TEAD1: variants seen among roughly 807,000 people sequenced by gnomAD.
The protein encoded by TEAD1 is transcriptional enhancer factor TEF-1.
Under a neutral mutation model 54.9 loss-of-function variants are expected in TEAD1, and 9 were observed. The ratio of observed to expected loss-of-function variants is 0.16; its 90% CI spans 0.10 to 0.29. The LOEUF (loss-of-function observed/expected upper bound fraction) is 0.29, where lower values mean the gene tolerates loss of function less well. Ranked by LOEUF, TEAD1 falls within the 10% of genes least tolerant of loss-of-function variation. The pLI is 1.00. For missense variants in TEAD1, 387 were observed against 535.9 expected (o/e 0.72, Z 2.74); for synonymous variants, 200 against 187.8 (o/e 1.07, Z -0.53).
chr11:12,703,471 C>T (rs1294333243), intron 2 of TEAD1, among the ~76,000 whole-genome samples: 1 of 152,154 alleles, frequency 6.6e-6, no homozygotes, highest in East Asian at 1.9e-4. Context: ...CTGCCCAAGC[C>T]TCCCTATATT....
intron 9 of TEAD1, among the ~76,000 whole-genome samples, chr11:12,901,320 A>G (rs1308967278): frequency 6.6e-6 from 1 of 152,144 alleles, no homozygotes; most frequent in East Asian, 1.9e-4. Flanking sequence ...TCAGCCATGT[A>G]TGGCCTTGTA....
rs190969387 is a variant in TEAD1, at chr11:12,705,936, A to G, written c.-55+30375A>G. 4.0e-4 allele frequency among the ~76,000 whole-genome samples: 61 copies of G among 152,294 alleles called. No homozygotes were observed. The East Asian group carries it at 5.2e-3, about 13-fold the overall frequency. ...AAACTCCATTGTTCTAAACCTTTCA[A>G]ATATAGTGTGATTACCCTCGTTTGT... is the stretch of plus-strand genomic sequence containing the variant. On this transcript the variant is annotated intron_variant, in intron 2 of 12. Coordinates refer to ENST00000527636, the MANE Select transcript of TEAD1 (RefSeq NM_021961.6).
chr11:12,767,550 G>A (rs938944806), intron 3 of TEAD1, among the ~76,000 whole-genome samples: 8 of 152,106 alleles, frequency 5.3e-5, no homozygotes, highest in Admixed American at 1.3e-4. Flanking sequence ...AATTTTGTTC[G>A]TGGTTGGCAG....
Position 12,890,134 on chromosome 11 carries a change from A to G in TEAD1, c.699+7009A>G, listed in dbSNP as rs141850757. On this transcript the variant is annotated intron_variant, in intron 9 of 12. Transcript: ENST00000527636. Reference sequence around the variant, plus strand: ...TGTACATAAAGGAACCGTGGCTCAGAAACGTTAAATAAAGTTATCAAGCTC... The same window carrying G: ...TGTACATAAAGGAACCGTGGCTCAGGAACGTTAAATAAAGTTATCAAGCTC... Among the ~76,000 whole-genome samples, 656 of 152,340 alleles carry G rather than the reference A, an allele frequency of 4.3e-3. 6 individuals are homozygous for G. The highest frequency in any genetic ancestry group is 0.015 in the African/African-American group (635 of 41,572).
intron 2 of TEAD1, among the ~76,000 whole-genome samples, chr11:12,719,759 C>G (rs1427905605): frequency 6.6e-6 from 1 of 151,674 alleles, no homozygotes; most frequent in Non-Finnish European, 1.5e-5. Context: ...CTGCGAAGAA[C>G]TTGGCCAGCT....
chr11:12,851,046 T>C (rs1012134718), intron 3 of TEAD1: 2 of 944,452 alleles, frequency 2.1e-6, no homozygotes, highest in African/African-American at 3.5e-5. Context: ...ATAATCTTTT[T>C]CTAGATCTTT....
intron 2 of TEAD1, among the ~76,000 whole-genome samples, chr11:12,747,897 G>A (rs10765990): frequency 0.38 from 57,510 of 151,718 alleles, 11,342 homozygotes; most frequent in South Asian, 0.62. Flanking sequence ...CTAAAACTCA[G>A]TATTCTCTTT....
chr11:12,878,808 TATG>T (rs893954241), intron 5 of TEAD1: 2 of 885,266 alleles, frequency 2.3e-6, no homozygotes, highest in Non-Finnish European at 3.1e-6. Context: ...CACATATATA[TATG>T]TTTTTTTTTT....
At chr11:12,814,958 A>AT (rs1222794109) in intron 3 of TEAD1, among the ~76,000 whole-genome samples, 6 of 151,998 alleles carry the variant, frequency 3.9e-5, no homozygotes. Flanking sequence ...TTTTTCTTTC[A>AT]TTATTCTCAG....
intron 5 of TEAD1, among the ~76,000 whole-genome samples, chr11:12,866,550 C>T (rs1947621506): frequency 1.3e-5 from 2 of 152,028 alleles, no homozygotes; most frequent in African/African-American, 2.4e-5. Context: ...AAATACACAG[C>T]GGTATTTATG....
chr11:12,934,572 T>TAA (rs544252673), intron 12 of TEAD1, among the ~76,000 whole-genome samples: 1 of 141,862 alleles, frequency 7.0e-6, no homozygotes, highest in African/African-American at 2.6e-5. Context: ...AAGCTAAACT[T>TAA]AAAAAAAAAA....
At chr11:12,800,781 T>TCTTCCTTTCCTCCCA (rs1564944378) in intron 3 of TEAD1, among the ~76,000 whole-genome samples, 8 of 152,236 alleles carry the variant, frequency 5.3e-5, no homozygotes, top group African/African-American at 1.9e-4. Flanking sequence ...CTTTCCTCCC[T>TCTTCCTTTCCTCCCA]TCTCTGCCCC....
At chr11:12,771,068 G>A (rs1016842821) in intron 3 of TEAD1, among the ~76,000 whole-genome samples, 4 of 152,206 alleles carry the variant, frequency 2.6e-5, no homozygotes, top group African/African-American at 9.7e-5. Context: ...CTGGAGCACA[G>A]GTTCAGACTT....
intron 10 of TEAD1, among the ~76,000 whole-genome samples, chr11:12,923,540 G>A (rs145456920): frequency 2.6e-5 from 4 of 152,292 alleles, no homozygotes; most frequent in East Asian, 1.9e-4. Context: ...GCATTGTGCC[G>A]GATGCGGAGC....
chr11:12,804,242 AATGCATTC>A (rs1946122064), intron 3 of TEAD1, among the ~76,000 whole-genome samples: 1 of 152,178 alleles, frequency 6.6e-6, no homozygotes, highest in Non-Finnish European at 1.5e-5. Flanking sequence ...TACGGCTTTG[AATGCATTC>A]AGCAGACCAT....
At chr11:12,880,107 G>A (rs1422145958) in intron 6 of TEAD1, among the ~76,000 whole-genome samples, 1 of 152,176 alleles carries the variant, frequency 6.6e-6, no homozygotes, top group Non-Finnish European at 1.5e-5. Context: ...AAAATCAGAA[G>A]AGGAAGGAAT....
chr11:12,768,477 T>C (rs2133931437), intron 3 of TEAD1, among the ~76,000 whole-genome samples: 1 of 152,318 alleles, frequency 6.6e-6, no homozygotes, highest in South Asian at 2.1e-4. Flanking sequence ...CTCTTAACAA[T>C]GCTTTGAAGC....
rs1945054632 is a variant in TEAD1, at chr11:12,759,331, G to A, written c.-54-4848G>A. Reference sequence around the variant, plus strand: ...ATGTGTATTGGTTGAATACACATGTGATATCTCCACTGTACTCATGTTACT... The same window carrying A: ...ATGTGTATTGGTTGAATACACATGTAATATCTCCACTGTACTCATGTTACT... On this transcript the variant is annotated intron_variant, in intron 2 of 12. Coordinates refer to ENST00000527636, the MANE Select transcript of TEAD1 (RefSeq NM_021961.6). Among the ~76,000 whole-genome samples the A allele has an allele frequency of 2.7e-5, 4 of 148,718 alleles. No homozygotes were observed. The South Asian group carries it at 8.3e-4, about 31-fold the overall frequency.
At chr11:12,724,444 G>C (rs7128343) in intron 2 of TEAD1, among the ~76,000 whole-genome samples, 113 of 152,334 alleles carry the variant, frequency 7.4e-4, no homozygotes, top group African/African-American at 2.4e-3. Context: ...GGAGGCGTAT[G>C]CCAGCTAATG....
Sources: gnomAD v4.1 joint callset for allele counts (sites outside exome capture counted in the v4.1 genomes callset) on GRCh38, gnomAD v4.1.1 for gene constraint, MANE v1.5 for transcripts, NCBI Gene and HGNC (gene_info 2026-07-23, HGNC 2026-07-21) for gene names.